SUCLG2: variants seen among roughly 807,000 people sequenced by gnomAD.
The protein encoded by SUCLG2 is succinate--CoA ligase [GDP-forming] subunit beta, mitochondrial.
Under a neutral mutation model 47.9 loss-of-function variants are expected in SUCLG2, and 42 were observed. The observed-to-expected ratio is 0.88, with a 90% CI of 0.69 to 1.14. The LOEUF (loss-of-function observed/expected upper bound fraction) is 1.14. SUCLG2 is among the 50% of genes most tolerant of loss of function. The pLI, the probability that SUCLG2 is intolerant of heterozygous loss-of-function variation, is 0.00. For missense variants in SUCLG2, 571 were observed against 525.9 expected, an observed-to-expected ratio of 1.09 and a Z score of -0.84; for synonymous variants, 195 against 197.3, an observed-to-expected ratio of 0.99 and a Z score of 0.10.
Position 67,408,795 on chromosome 3 carries a change from A to T in SUCLG2, c.1063-7944T>A, listed in dbSNP as rs545676239. The T allele has an allele frequency of 5.5e-5, 74 of 1,345,714 alleles. No individual in the cohort carries two copies. The East Asian group carries it at 1.9e-3, about 35-fold the overall frequency. The allele number at this position is 1,345,714 out of a possible 1,614,324, so 83.4% of individuals were successfully genotyped here. ...TGTATTATAACTTTCCCTGGTAAAT[A>T]AACTCAATGAGCTTAAACATCACAC... On this transcript the variant is annotated intron_variant, in intron 9 of 10. Transcript: ENST00000307227.
chr3:67,439,316 G>A (rs139162407), intron 9 of SUCLG2, among the ~76,000 whole-genome samples: 1 of 152,164 alleles, frequency 6.6e-6, no homozygotes, highest in Non-Finnish European at 1.5e-5. Context: ...TATTTCCTTT[G>A]AAAATTGGCA....
At chr3:67,387,442 A>G (rs1017413311) in intron 10 of SUCLG2, among the ~76,000 whole-genome samples, 1 of 152,208 alleles carries the variant, frequency 6.6e-6, no homozygotes, top group South Asian at 2.1e-4. Flanking sequence ...ACTGGAAATA[A>G]CTAGAAATGA....
chr3:67,629,665 G>A (rs1700893444), intron 1 of SUCLG2, among the ~76,000 whole-genome samples: 1 of 151,994 alleles, frequency 6.6e-6, no homozygotes, highest in South Asian at 2.1e-4. Context: ...GTTGGGGTAG[G>A]GGACTGAAAA....
intron 2 of SUCLG2, among the ~76,000 whole-genome samples, chr3:67,594,204 CGTT>C (rs925677823): frequency 1.1e-4 from 16 of 152,184 alleles, no homozygotes; most frequent in African/African-American, 3.9e-4. Context: ...TGTTACCTAG[CGTT>C]GTTGAGGCAA....
intron 9 of SUCLG2, among the ~76,000 whole-genome samples, chr3:67,422,719 T>C (rs899945321): frequency 6.6e-6 from 1 of 152,090 alleles, no homozygotes; most frequent in African/African-American, 2.4e-5. Flanking sequence ...GTTTAATAGC[T>C]ACTTCACCAT....
Position 67,495,875 on chromosome 3 carries a change from T to C in SUCLG2, c.985A>G (p.Asn329Asp), listed in dbSNP as rs1705324671. 6.2e-7 allele frequency: 1 copy of C among 1,614,064 alleles called. No individual in the cohort carries two copies. Among genetic ancestry groups the C allele is most frequent in the Non-Finnish European group, 8.5e-7 (1 of 1,179,960 alleles). The change falls in exon 9 of 11, where the codon AAC (asparagine) becomes GAC (aspartate). Residue 329 changes from asparagine to aspartate, a missense_variant. Coordinates refer to ENST00000307227, the MANE Select transcript of SUCLG2 (RefSeq NM_003848.4). Reference protein sequence around the residue: ...IIFLNGGKPANFLDLGGGVKE... With the variant: ...IIFLNGGKPADFLDLGGGVKE... Reference sequence around the variant, plus strand: ...ACACCACCTCCAAGATCCAAGAAGTTGGCTGGCTTCCCACCATTAAGGAAA... The same window carrying C: ...ACACCACCTCCAAGATCCAAGAAGTCGGCTGGCTTCCCACCATTAAGGAAA...
At chr3:67,507,446 C>A (rs1206317503) in intron 7 of SUCLG2, among the ~76,000 whole-genome samples, 2 of 151,404 alleles carry the variant, frequency 1.3e-5, no homozygotes, top group Non-Finnish European at 2.9e-5. Context: ...ACACTGCATG[C>A]ATACTCATAT....
chr3:67,398,082 G>C (rs990339911), intron 10 of SUCLG2, among the ~76,000 whole-genome samples: 8 of 150,118 alleles, frequency 5.3e-5, no homozygotes, highest in African/African-American at 2.0e-4. Flanking sequence ...AGAAAACCTC[G>C]GCATTACCAT....
At chr3:67,516,764 T>C (rs1474827200) in intron 6 of SUCLG2, among the ~76,000 whole-genome samples, 1 of 152,172 alleles carries the variant, frequency 6.6e-6, no homozygotes, top group Admixed American at 6.5e-5. Flanking sequence ...AAGAGAAATA[T>C]ACAGATGTCC....
chr3:67,545,647 T>C (rs1276852868), intron 2 of SUCLG2, among the ~76,000 whole-genome samples: 1 of 152,108 alleles, frequency 6.6e-6, no homozygotes, highest in Non-Finnish European at 1.5e-5. Context: ...GCCTGAGAAA[T>C]AGCTATTTCC....
chr3:67,643,771 G>A lies in SUCLG2; in HGVS notation c.84+10732C>T, dbSNP rs189947440. ...CACCATCTGCAACCTCCGCCTCCCA[G>A]GTTCAACTGATTCTCCTGACTCAGC... On this transcript the variant is annotated intron_variant, in intron 1 of 10. Transcript: ENST00000307227. 3.2e-3 allele frequency among the ~76,000 whole-genome samples: 492 copies of A among 152,290 alleles called. 5 individuals are homozygous for A. Among genetic ancestry groups the A allele is most frequent in the African/African-American group, 0.011 (471 of 41,566 alleles).
chr3:67,430,679 G>GT (rs987019813), intron 9 of SUCLG2, among the ~76,000 whole-genome samples: 69 of 152,146 alleles, frequency 4.5e-4, no homozygotes, highest in Middle Eastern at 3.4e-3. Flanking sequence ...TTTTTGAAAA[G>GT]ATCAACAAAA....
intron 2 of SUCLG2, among the ~76,000 whole-genome samples, chr3:67,529,956 C>T (rs1172515249): frequency 1.3e-5 from 2 of 152,182 alleles, no homozygotes; most frequent in Non-Finnish European, 2.9e-5. Flanking sequence ...AACAGGGTAG[C>T]TCCCCTCCCC....
chr3:67,387,203 G>T (rs952093099), intron 10 of SUCLG2, among the ~76,000 whole-genome samples: 11 of 152,078 alleles, frequency 7.2e-5, no homozygotes, highest in Non-Finnish European at 1.3e-4. Context: ...CAGCATAATT[G>T]ATCCCAATAA....
At position 67,528,953 on chromosome 3, in the gene SUCLG2, G is replaced by C. The variant is rs1002180219; in HGVS notation, c.326+134C>G. 5 of 634,296 alleles carry C rather than the reference G, an allele frequency of 7.9e-6. No individual in the cohort carries two copies. In the African/African-American group the frequency reaches 9.4e-5, roughly 12 times the overall value. The allele number at this position is 634,296 out of a possible 1,614,324, so 39.3% of individuals were successfully genotyped here. A position where few individuals can be genotyped will look rare whatever the true frequency, so the allele number is the denominator to read the frequency against. ...GGCACTGCCAGAGCCCTCTACCTAT[G>C]ATTTCAGTTTCTTCTAGTTGCTTTG... On this transcript the variant is annotated intron_variant, in intron 3 of 10. Coordinates refer to ENST00000307227, the MANE Select transcript of SUCLG2 (RefSeq NM_003848.4).
chr3:67,413,384 C>A (rs1034662085), intron 9 of SUCLG2, among the ~76,000 whole-genome samples: 1 of 152,194 alleles, frequency 6.6e-6, no homozygotes, highest in African/African-American at 2.4e-5. Context: ...CCCATGTGGT[C>A]TTCCAGTCTG....
chr3:67,606,612 C>T (rs1198873746), intron 2 of SUCLG2, among the ~76,000 whole-genome samples: 1 of 152,124 alleles, frequency 6.6e-6, no homozygotes, highest in Non-Finnish European at 1.5e-5. Context: ...AGTCTATTAT[C>T]AAAGTTCACT....
At chr3:67,397,830 C>G (rs1702583548) in intron 10 of SUCLG2, among the ~76,000 whole-genome samples, 1 of 152,026 alleles carries the variant, frequency 6.6e-6, no homozygotes, top group Non-Finnish European at 1.5e-5. Context: ...AGATATAGAT[C>G]AATGCAACAG....
downstream of SUCLG2, among the ~76,000 whole-genome samples, chr3:67,371,740 A>G (rs1701957196): frequency 6.6e-6 from 1 of 152,180 alleles, no homozygotes; most frequent in African/African-American, 2.4e-5. Flanking sequence ...AAATGATCAT[A>G]AGTGGCATAA....
Sources: gnomAD v4.1 joint callset for allele counts (sites outside exome capture counted in the v4.1 genomes callset) on GRCh38, gnomAD v4.1.1 for gene constraint, MANE v1.5 for transcripts, NCBI Gene and HGNC (gene_info 2026-07-23, HGNC 2026-07-21) for gene names.